TPD52: variants seen among roughly 807,000 people sequenced by gnomAD.
TPD52 encodes the protein tumor protein D52.
In TPD52, 17 loss-of-function variants were observed where a neutral mutation model predicts 31.3. The ratio of observed to expected loss-of-function variants is 0.54; its 90% confidence interval spans 0.37 to 0.82. The LOEUF is 0.82. Ranked by LOEUF, TPD52 falls within the 40% of genes least tolerant of loss-of-function variation. TPD52 has a pLI of 0.00. For synonymous variants in TPD52, 83 were observed against 89.6 expected (o/e 0.93, Z 0.42); for missense variants, 212 against 240.1 (o/e 0.88, Z 0.77).
intron 1 of TPD52, among the ~76,000 whole-genome samples, chr8:80,163,690 C>T (rs1390717959): frequency 1.3e-5 from 2 of 151,990 alleles, no homozygotes; most frequent in East Asian, 3.9e-4. Context: ...TAACAGGCAT[C>T]GAAAAGCTTA....
chr8:80,168,818 A>G (rs554389853), intron 1 of TPD52, among the ~76,000 whole-genome samples: 1 of 152,340 alleles, frequency 6.6e-6, no homozygotes, highest in South Asian at 2.1e-4. Context: ...ATTTGGAGGG[A>G]CACAGAGGTT....
intron 1 of TPD52, among the ~76,000 whole-genome samples, chr8:80,144,527 CA>C (rs1810059452): frequency 6.6e-6 from 1 of 152,214 alleles, no homozygotes; most frequent in Admixed American, 6.5e-5. Context: ...ATAGCAACTG[CA>C]GCATGCCCTT....
At chr8:80,117,731 TTTC>T (rs1031658498) in intron 1 of TPD52, among the ~76,000 whole-genome samples, 14 of 94,620 alleles carry the variant, frequency 1.5e-4, no homozygotes, top group African/African-American at 6.7e-4. Flanking sequence ...TTTTTTTTTC[TTTC>T]TTTTTTTTTT....
At chr8:80,156,697 A>G (rs1810994786) in intron 1 of TPD52, among the ~76,000 whole-genome samples, 1 of 152,152 alleles carries the variant, frequency 6.6e-6, no homozygotes, top group Non-Finnish European at 1.5e-5. Flanking sequence ...GAATGTGAAC[A>G]TCTCAGGGGG....
At chr8:80,097,738 G>A (rs1806437464) in intron 1 of TPD52, among the ~76,000 whole-genome samples, 1 of 152,140 alleles carries the variant, frequency 6.6e-6, no homozygotes, top group Non-Finnish European at 1.5e-5. Flanking sequence ...GCTCTTTACA[G>A]CAATGCAAGA....
chr8:80,070,800 G>A (rs1013662522), intron 1 of TPD52, among the ~76,000 whole-genome samples: 1 of 152,218 alleles, frequency 6.6e-6, no homozygotes, highest in African/African-American at 2.4e-5. Flanking sequence ...GGTGTTGTGA[G>A]TTGAACTCTG....
intron 1 of TPD52, among the ~76,000 whole-genome samples, chr8:80,083,639 C>A (rs568280490): frequency 1.2e-4 from 19 of 152,332 alleles, no homozygotes; most frequent in African/African-American, 4.1e-4. Flanking sequence ...TTTCCTGAAG[C>A]CTCCCCAGCC....
chr8:80,075,654 G>A (rs1359986921), intron 1 of TPD52, among the ~76,000 whole-genome samples: 1 of 151,860 alleles, frequency 6.6e-6, no homozygotes, highest in East Asian at 1.9e-4. Flanking sequence ...CTGCTCCCCT[G>A]CCCCAAAATT....
At chr8:80,062,290 T>C (rs539587261) in intron 2 of TPD52, among the ~76,000 whole-genome samples, 1 of 152,328 alleles carries the variant, frequency 6.6e-6, no homozygotes, top group Non-Finnish European at 1.5e-5. Flanking sequence ...TTTTTTTCTT[T>C]TTTAACAAGG....
chr8:80,116,395 T>G (rs908983990), intron 1 of TPD52, among the ~76,000 whole-genome samples: 5 of 150,628 alleles, frequency 3.3e-5, no homozygotes, highest in Non-Finnish European at 7.4e-5. Context: ...TGCCAACAGA[T>G]TGGTTAGCTT....
At chr8:80,142,596 G>A (rs527392383) in intron 1 of TPD52, among the ~76,000 whole-genome samples, 3 of 135,766 alleles carry the variant, frequency 2.2e-5, no homozygotes, top group Admixed American at 1.5e-4. Flanking sequence ...CAGCTACTCA[G>A]GAGGCTGAGG....
At position 80,138,956 on chromosome 8, in the gene TPD52, G is replaced by A. The variant is rs191658818; in HGVS notation, c.19+32469C>T. The stretch of plus-strand genomic sequence containing the variant: ...GGATCATGGCAGCCCCTCCGACCCA[G>A]AGCCTCTCCTGCTAGTGGGGTCTTC... On this transcript the variant is annotated intron_variant, in intron 1 of 7. Coordinates refer to ENST00000518937, the MANE Select transcript of TPD52 (RefSeq NM_001025253.3). Among the ~76,000 whole-genome samples the A allele has an allele frequency of 3.3e-5, 5 of 152,252 alleles. No homozygotes were observed. The East Asian group carries it at 9.7e-4, about 29-fold the overall frequency.
At position 80,059,910 on chromosome 8, in the gene TPD52, G is replaced by A. The variant is rs545051328; in HGVS notation, c.135+4568C>T. ...AGCCTGGCCAACATGGTGAAACCTC[G>A]TCTCTACTAAAAATACAAAAATTAG... On this transcript the variant is annotated intron_variant, in intron 2 of 7. Coordinates refer to ENST00000518937, the MANE Select transcript of TPD52 (RefSeq NM_001025253.3). Among the ~76,000 whole-genome samples the A allele has an allele frequency of 2.4e-4, 37 of 151,572 alleles. No homozygotes were observed. In the South Asian group the frequency reaches 5.2e-3, roughly 21 times the overall value.
intron 2 of TPD52, among the ~76,000 whole-genome samples, chr8:80,061,385 C>CCCCA (rs1484546324): frequency 9.9e-4 from 101 of 102,118 alleles, no homozygotes; most frequent in Non-Finnish European, 1.4e-3. Context: ...CCGCCCCCCC[C>CCCCA]AAAAAAAAAA....
At chr8:80,073,407 C>T (rs544846294) in intron 1 of TPD52, among the ~76,000 whole-genome samples, 34 of 152,324 alleles carry the variant, frequency 2.2e-4, no homozygotes, top group African/African-American at 7.9e-4. Context: ...TTAAATAAGT[C>T]AAAAGTGTCT....
intron 1 of TPD52, among the ~76,000 whole-genome samples, chr8:80,093,299 T>C (rs912793804): frequency 4.6e-5 from 7 of 152,144 alleles, no homozygotes; most frequent in African/African-American, 1.7e-4. Flanking sequence ...TATGGTGAGA[T>C]TACTGGAAGA....
chr8:80,053,315 G>A lies in TPD52; in HGVS notation c.251C>T (p.Ala84Val). 1 of 1,613,608 alleles carries A rather than the reference G, an allele frequency of 6.2e-7. No homozygotes were observed. Among genetic ancestry groups the A allele is most frequent in the Non-Finnish European group, 8.5e-7 (1 of 1,179,678 alleles). Reference protein sequence around the residue: ...NSLQELKQNIAKGWQDVTATS... With the variant: ...NSLQELKQNIVKGWQDVTATS... ...TGCTGTCACGTCTTGCCACCCTTTG[G>A]CAATGTTCTGTTTTAGTTCCTGTAG... Residue 84 changes from alanine to valine, a missense_variant, in exon 3 of 8, where the codon GCC (alanine) becomes GTC (valine). Ala to Val is a moderately conservative substitution (Grantham distance 64). Coordinates refer to ENST00000518937, the MANE Select transcript of TPD52 (RefSeq NM_001025253.3).
intron 1 of TPD52, among the ~76,000 whole-genome samples, chr8:80,119,564 T>G (rs1292219631): frequency 6.6e-6 from 1 of 152,178 alleles, no homozygotes; most frequent in Non-Finnish European, 1.5e-5. Flanking sequence ...TTAACAGTAG[T>G]TTACTTTGGG....
chr8:80,160,063 C>T (rs746381006), intron 1 of TPD52, among the ~76,000 whole-genome samples: 3 of 151,926 alleles, frequency 2.0e-5, no homozygotes, highest in Non-Finnish European at 4.4e-5. Flanking sequence ...TGGTGGTGTG[C>T]GCCTGTGGCC....
Sources: allele counts gnomAD v4.1 joint callset (sites outside exome capture counted in the v4.1 genomes callset), GRCh38; gene constraint gnomAD v4.1.1; transcripts MANE v1.5; gene names NCBI Gene and HGNC (gene_info 2026-07-23, HGNC 2026-07-21).